Variants in CNTNAP5 observed in about 807,000 individuals in gnomAD.
CNTNAP5 encodes contactin associated protein family member 5, also known as contactin-associated protein-like 5.
CNTNAP5 carries 72 observed loss-of-function variants against 150.2 expected under a neutral mutation model. The observed-to-expected ratio is 0.48, with a 90% CI of 0.40 to 0.58. CNTNAP5 has a LOEUF of 0.58. Among genes scored for constraint, CNTNAP5 ranks in the 20% least tolerant of loss-of-function variants. The pLI is 0.00. For missense variants in CNTNAP5, 1,636 were observed against 1,626.2 expected, an observed-to-expected ratio of 1.01 and a Z score of -0.10; for synonymous variants, 672 against 619.8, an observed-to-expected ratio of 1.08 and a Z score of -1.25.
intron 11 of CNTNAP5, among the ~76,000 whole-genome samples, chr2:124,583,911 A>G (rs1243507772): frequency 6.6e-6 from 1 of 152,150 alleles, no homozygotes; most frequent in Non-Finnish European, 1.5e-5. Context: ...AGGAAGTTCC[A>G]TGGGTTGCAG....
At chr2:124,325,705 G>A (rs961227401) in intron 3 of CNTNAP5, among the ~76,000 whole-genome samples, 2 of 152,208 alleles carry the variant, frequency 1.3e-5, no homozygotes, top group East Asian at 3.8e-4. Flanking sequence ...ATATGAAAGG[G>A]AGGTGAGGCC....
At chr2:124,672,987 A>C (rs1678854779) in intron 13 of CNTNAP5, among the ~76,000 whole-genome samples, 1 of 152,186 alleles carries the variant, frequency 6.6e-6, no homozygotes, top group South Asian at 2.1e-4. Flanking sequence ...GCAAAGAAAT[A>C]GAAAACAGAA....
chr2:124,830,236 A>G (rs534984087), intron 19 of CNTNAP5, among the ~76,000 whole-genome samples: 1 of 152,136 alleles, frequency 6.6e-6, no homozygotes, highest in South Asian at 2.1e-4. Flanking sequence ...CTTGATCAAA[A>G]CAGATTCACA....
chr2:124,248,950 T>C (rs983056657), intron 3 of CNTNAP5, among the ~76,000 whole-genome samples: 1 of 152,204 alleles, frequency 6.6e-6, no homozygotes, highest in Non-Finnish European at 1.5e-5. Flanking sequence ...TTAATCTTAT[T>C]GTTAAGGTGC....
At chr2:124,529,571 A>G (rs867277941) in intron 10 of CNTNAP5, among the ~76,000 whole-genome samples, 3 of 152,172 alleles carry the variant, frequency 2.0e-5, no homozygotes, top group Non-Finnish European at 2.9e-5. Flanking sequence ...CTCATAATTA[A>G]TGTTATCTGA....
intron 4 of CNTNAP5, among the ~76,000 whole-genome samples, chr2:124,432,469 A>G (rs1490068475): frequency 6.6e-6 from 1 of 152,092 alleles, no homozygotes; most frequent in Non-Finnish European, 1.5e-5. Flanking sequence ...CCCTGTCTGA[A>G]TCTACCCCCT....
intron 19 of CNTNAP5, among the ~76,000 whole-genome samples, chr2:124,844,320 G>A (rs6719740): frequency 0.016 from 2,500 of 152,030 alleles, 63 homozygotes; most frequent in African/African-American, 0.057. Flanking sequence ...TCAGTTGGCC[G>A]TAAATATTTG....
At chr2:124,253,231 T>C (rs980709063) in intron 3 of CNTNAP5, among the ~76,000 whole-genome samples, 1 of 151,990 alleles carries the variant, frequency 6.6e-6, no homozygotes, top group African/African-American at 2.4e-5. Flanking sequence ...TACATTGTTT[T>C]GTTTAAAGTC....
At chr2:124,643,272 G>A (rs981753322) in intron 12 of CNTNAP5, among the ~76,000 whole-genome samples, 1 of 152,182 alleles carries the variant, frequency 6.6e-6, no homozygotes, top group Admixed American at 6.5e-5. Context: ...CAGTGAAAGA[G>A]AAGAGGCTAT....
At chr2:124,161,355 G>A (rs1684674174) in intron 1 of CNTNAP5, among the ~76,000 whole-genome samples, 1 of 152,144 alleles carries the variant, frequency 6.6e-6, no homozygotes, top group African/African-American at 2.4e-5. Context: ...GTGAGGTGAG[G>A]GAGATGATGG....
intron 1 of CNTNAP5, among the ~76,000 whole-genome samples, chr2:124,219,921 T>G (rs1686260391): frequency 6.6e-6 from 1 of 152,210 alleles, no homozygotes; most frequent in Non-Finnish European, 1.5e-5. Flanking sequence ...GTTATTCTTC[T>G]TCAGTGAGGA....
At chr2:124,496,297 A>G (rs536398837) in intron 7 of CNTNAP5, among the ~76,000 whole-genome samples, 1 of 152,298 alleles carries the variant, frequency 6.6e-6, no homozygotes, top group South Asian at 2.1e-4. Context: ...ACAGCGTGCC[A>G]GTCAGTGCTG....
At chr2:124,265,114 G>A (rs1334107490) in intron 3 of CNTNAP5, among the ~76,000 whole-genome samples, 1 of 152,198 alleles carries the variant, frequency 6.6e-6, no homozygotes, top group East Asian at 1.9e-4. Context: ...TTTTTGAAAT[G>A]TAAGTTTCAG....
Position 124,118,373 on chromosome 2 carries a change from C to T in CNTNAP5, c.82+92641C>T, listed in dbSNP as rs114555421. Among the ~76,000 whole-genome samples the T allele has an allele frequency of 6.2e-3, 943 of 152,244 alleles. 5 individuals carry two copies. Among genetic ancestry groups the T allele is most frequent in the Middle Eastern group, 0.014 (4 of 294 alleles). On this transcript the variant is annotated intron_variant, in intron 1 of 23. Coordinates refer to ENST00000682447, the MANE Select transcript of CNTNAP5 (RefSeq NM_001367498.1). ...AGTCTTGCATTCAACTTCAAACAGT[C>T]GACAAGTCATTCTCAGACCTGTCCC...
intron 1 of CNTNAP5, among the ~76,000 whole-genome samples, chr2:124,056,090 C>A (rs762900772): frequency 6.6e-6 from 1 of 152,140 alleles, no homozygotes; most frequent in African/African-American, 2.4e-5. Context: ...TGTTACATTT[C>A]TTTTGCTTTC....
chr2:124,098,609 A>C (rs1379271114), intron 1 of CNTNAP5, among the ~76,000 whole-genome samples: 1 of 152,164 alleles, frequency 6.6e-6, no homozygotes, highest in African/African-American at 2.4e-5. Flanking sequence ...TTTACAGATG[A>C]GGAAACTGAG....
intron 3 of CNTNAP5, among the ~76,000 whole-genome samples, chr2:124,359,567 G>C (rs1298616796): frequency 1.4e-5 from 2 of 143,696 alleles, no homozygotes; most frequent in East Asian, 4.1e-4. Context: ...TATGTACCCA[G>C]TAGTCATTCA....
chr2:124,398,971 C>T (rs1691333918), intron 3 of CNTNAP5, among the ~76,000 whole-genome samples: 1 of 152,204 alleles, frequency 6.6e-6, no homozygotes, highest in Admixed American at 6.5e-5. Context: ...AAGGCCAGAT[C>T]TCAGAGTTTA....
intron 10 of CNTNAP5, among the ~76,000 whole-genome samples, chr2:124,538,812 C>A (rs1400155257): frequency 1.3e-5 from 2 of 152,090 alleles, no homozygotes; most frequent in South Asian, 2.1e-4. Context: ...AGAGAACATT[C>A]ATAAATTAAT....
Sources: allele counts gnomAD v4.1 joint callset (sites outside exome capture counted in the v4.1 genomes callset), GRCh38; gene constraint gnomAD v4.1.1; transcripts MANE v1.5; gene names NCBI Gene and HGNC (gene_info 2026-07-23, HGNC 2026-07-21).